PTPRU: variants seen among roughly 807,000 people sequenced by gnomAD.
The protein encoded by PTPRU is receptor-type tyrosine-protein phosphatase U.
PTPRU carries 69 observed loss-of-function variants against 166.3 expected under a neutral mutation model. The observed-to-expected ratio is 0.41, with a 90% CI of 0.34 to 0.51. The LOEUF (loss-of-function observed/expected upper bound fraction) is 0.51. Among genes scored for constraint, PTPRU ranks in the 20% least tolerant of loss-of-function variants. The pLI, the probability that PTPRU is intolerant of heterozygous loss-of-function variation, is 0.09. For missense variants in PTPRU, 1,657 were observed against 2,013.7 expected (o/e 0.82, Z 3.39); for synonymous variants, 793 against 814.0 (o/e 0.97, Z 0.44).
rs965441644 is a variant in PTPRU at position 29,316,059 on chromosome 1, A to G, written c.3421A>G (p.Thr1141Ala). The change falls in exon 24 of 30, where the codon ACC becomes GCC. Residue 1141 changes from threonine (T) to alanine (A), a missense_variant. By Grantham distance (58) the Thr-to-Ala change is moderately conservative (BLOSUM62 0). Coordinates refer to ENST00000373779, the MANE Select transcript of PTPRU (RefSeq NM_133178.4). ...ILEACLCGET[T>A]IPVSEFKATY... ...GGAGGCCTGCCTGTGTGGGGAGACC[A>G]CCATCCCTGTCAGTGAGTTCAAGGC... The G allele has an allele frequency of 1.9e-6, 3 of 1,613,926 alleles. No individual in the cohort carries two copies. The highest frequency in any genetic ancestry group is 3.3e-5 in the Admixed American group (2 of 59,998).
intron 15 of PTPRU, among the ~76,000 whole-genome samples, chr1:29,300,711 T>C (rs535442685): frequency 7.9e-5 from 12 of 152,312 alleles, no homozygotes; most frequent in African/African-American, 2.4e-4. Context: ...CATTGAACTA[T>C]AGGCAGCTGA....
chr1:29,256,770 T>C (rs1448563864), intron 2 of PTPRU, among the ~76,000 whole-genome samples: 1 of 152,222 alleles, frequency 6.6e-6, no homozygotes, highest in Non-Finnish European at 1.5e-5. Context: ...CTCAGTCTGA[T>C]ACATGGTTGG....
intron 1 of PTPRU, among the ~76,000 whole-genome samples, chr1:29,253,657 A>C (rs2151942899): frequency 6.6e-6 from 1 of 152,064 alleles, no homozygotes; most frequent in Admixed American, 6.5e-5. Context: ...TGCACTAACC[A>C]AATATATGTA....
intron 14 of PTPRU, among the ~76,000 whole-genome samples, chr1:29,289,881 T>C (rs1686543506): frequency 6.6e-6 from 1 of 152,090 alleles, no homozygotes; most frequent in Non-Finnish European, 1.5e-5. Flanking sequence ...GCTCTGTCCT[T>C]CCCCTCTGCA....
At position 29,259,768 on chromosome 1, in the gene PTPRU, C is replaced by A. The variant is rs1684955933; in HGVS notation, c.676-102C>A. The stretch of plus-strand genomic sequence containing the variant: ...AGAGCGCGGCTCCAGGAACCTATGT[C>A]CGCGCGGTGTAGTAGGGACGGCTAA... On this transcript the variant is annotated intron_variant, in intron 5 of 29. Transcript: ENST00000373779. 16 of 1,363,146 alleles carry A rather than the reference C, an allele frequency of 1.2e-5. No homozygotes were observed. The South Asian group carries it at 2.4e-4, about 20-fold the overall frequency. The allele number at this position is 1,363,146 out of a possible 1,614,324, so 84.4% of individuals were successfully genotyped here.
chr1:29,286,390 T>C (rs1315089363), intron 14 of PTPRU, among the ~76,000 whole-genome samples: 3 of 152,150 alleles, frequency 2.0e-5, no homozygotes, highest in African/African-American at 7.2e-5. Flanking sequence ...AACATTTCCT[T>C]CTTGGATCTT....
At chr1:29,287,440 T>A (rs539505532) in intron 14 of PTPRU, among the ~76,000 whole-genome samples, 4 of 152,124 alleles carry the variant, frequency 2.6e-5, no homozygotes, top group African/African-American at 7.2e-5. Context: ...CCCTGTCTTG[T>A]CTATATCTCC....
rs1374490107 is a variant in PTPRU, at chr1:29,311,005, GA to G, written c.2857+226del. ...CCCCTCTTTGTGTTTGTGTCTCCCT[GA>G]TGTGCTCAGTCCATCTGTTGCTCCT... On this transcript the variant is annotated intron_variant, in intron 19 of 29. Transcript: ENST00000373779. The surrounding 1 kb of genome is among the most constrained non-coding windows in gnomAD (Gnocchi z 4.1). Among the ~76,000 whole-genome samples the G allele has an allele frequency of 6.6e-6, 1 of 152,132 alleles. No individual in the cohort carries two copies. The highest frequency in any genetic ancestry group is 2.4e-5 in the African/African-American group (1 of 41,424).
At position 29,291,312 on chromosome 1, in the gene PTPRU, C is replaced by T. The variant is rs1432166466; in HGVS notation, c.2319-557C>T. On this transcript the variant is annotated intron_variant, in intron 14 of 29. Coordinates refer to ENST00000373779, the MANE Select transcript of PTPRU (RefSeq NM_133178.4). This position sits in a 1 kb window ranked among gnomAD's most constrained non-coding sequence, Gnocchi z 4.1. ...AGCCAAGGGTGGAGTTCATTCTGTG[C>T]GTGGGGGAAGCCCCCGAGCTCTGGC... 5.3e-5 allele frequency among the ~76,000 whole-genome samples: 8 copies of T among 151,958 alleles called. No individual in the cohort carries two copies. The highest frequency in any genetic ancestry group is 1.0e-4 in the Non-Finnish European group (7 of 68,016).
rs1285923055 is a variant in PTPRU at position 29,259,906 on chromosome 1, C to T, written c.712C>T (p.Arg238Trp). 3 of 1,531,608 alleles carry T rather than the reference C, an allele frequency of 2.0e-6. No homozygotes were observed. The highest frequency in any genetic ancestry group is 2.6e-6 in the Non-Finnish European group (3 of 1,145,502). The allele number at this position is 1,531,608 out of a possible 1,614,324, so 94.9% of individuals were successfully genotyped here. ...SGALVPAAGV[R>W]HISHRRFLAT... is the part of the protein sequence containing the mutation. ...GGCGCTGGTGCCGGCGGCGGGCGTG[C>T]GGCACATCAGCCACCGGCGCTTCCT... The change falls in exon 6 of 30, where the codon CGG becomes TGG. Residue 238 changes from arginine (R) to tryptophan (W), a missense_variant. Around this residue, in one of 3 missense-constraint regions of PTPRU, gnomAD observed 453 missense variants for 496.9 expected, o/e 0.91. Coordinates refer to ENST00000373779, the MANE Select transcript of PTPRU (RefSeq NM_133178.4).
At chr1:29,301,892 G>GTCCC (rs1339701300) in intron 15 of PTPRU, among the ~76,000 whole-genome samples, 6 of 152,164 alleles carry the variant, frequency 3.9e-5, no homozygotes, top group Non-Finnish European at 8.8e-5. Flanking sequence ...CTTCATCCAT[G>GTCCC]TCCCTACAAA....
At position 29,317,958 on chromosome 1, in the gene PTPRU, C is replaced by G; in HGVS notation, c.3687+37C>G. On this transcript the variant is annotated intron_variant, in intron 25 of 29. Transcript: ENST00000373779. This position sits in a 1 kb window ranked among gnomAD's most constrained non-coding sequence, Gnocchi z 5.6. Reference sequence around the variant, plus strand: ...GGGTGGAGTGGGCTCTGGGGCTCCCCTTCCCAGCAGCATCAGGGAAGGTCC... The same window carrying G: ...GGGTGGAGTGGGCTCTGGGGCTCCCGTTCCCAGCAGCATCAGGGAAGGTCC... 1 of 1,607,366 alleles carries G rather than the reference C, an allele frequency of 6.2e-7. No homozygotes were observed. The highest frequency in any genetic ancestry group is 8.5e-7 in the Non-Finnish European group (1 of 1,176,434).
In PTPRU at chr1:29,317,944, G is replaced by A; in HGVS notation, c.3687+23G>A. Reference sequence around the variant, plus strand: ...GACGTGAGAGCTTGGGGTGGAGTGGGCTCTGGGGCTCCCCTTCCCAGCAGC... The same window carrying A: ...GACGTGAGAGCTTGGGGTGGAGTGGACTCTGGGGCTCCCCTTCCCAGCAGC... On this transcript the variant is annotated intron_variant, in intron 25 of 29. Coordinates refer to ENST00000373779, the MANE Select transcript of PTPRU (RefSeq NM_133178.4). The surrounding 1 kb of genome is among the most constrained non-coding windows in gnomAD (Gnocchi z 5.6). 6.2e-7 allele frequency: 1 copy of A among 1,611,494 alleles called. No individual in the cohort carries two copies.
intron 7 of PTPRU, among the ~76,000 whole-genome samples, chr1:29,269,113 C>T (rs1685424268): frequency 6.6e-6 from 1 of 150,944 alleles, no homozygotes; most frequent in Non-Finnish European, 1.5e-5. Flanking sequence ...GATCATAGCT[C>T]ACTGCGTGCA....
At position 29,259,385 on chromosome 1, in the gene PTPRU, G is replaced by C. The variant is rs1190625633; in HGVS notation, c.559+43G>C. On this transcript the variant is annotated intron_variant, in intron 4 of 29. Coordinates refer to ENST00000373779, the MANE Select transcript of PTPRU (RefSeq NM_133178.4). ...GGGGGCGCAGGGGTAAGGGGTGTGG[G>C]CGGCCGCGGCTCCTGCCTGCAGGGG... 3.1e-6 allele frequency: 5 copies of C among 1,610,140 alleles called. No homozygotes were observed. In the East Asian group the frequency reaches 1.1e-4, roughly 36 times the overall value.
intron 24 of PTPRU, among the ~76,000 whole-genome samples, chr1:29,316,359 G>T (rs1409373916): frequency 1.3e-5 from 2 of 152,234 alleles, no homozygotes; most frequent in South Asian, 2.1e-4. Flanking sequence ...AGGCTTTGAA[G>T]TCAGATAAAC....
chr1:29,240,629 T>C (rs1335680976), intron 1 of PTPRU, among the ~76,000 whole-genome samples: 1 of 152,052 alleles, frequency 6.6e-6, no homozygotes, highest in Non-Finnish European at 1.5e-5. Context: ...GGCAAGAGAC[T>C]GAAGGGAACG....
At chr1:29,297,310 C>T (rs1686935840) in intron 15 of PTPRU, among the ~76,000 whole-genome samples, 1 of 152,050 alleles carries the variant, frequency 6.6e-6, no homozygotes, top group South Asian at 2.1e-4. Context: ...CCGTCTTGGC[C>T]TCCCAAAGTG....
intron 24 of PTPRU, 141 bp downstream of exon 24, chr1:29,316,292 A>G (rs1264643338): frequency 9.6e-7 from 1 of 1,039,422 alleles, no homozygotes; most frequent in Non-Finnish European, 1.4e-6. Flanking sequence ...GAGCTGAGCT[A>G]CCAGGAAGGA....
Sources: allele counts gnomAD v4.1 joint callset (sites outside exome capture counted in the v4.1 genomes callset), GRCh38; gene constraint gnomAD v4.1.1; regional missense constraint gnomAD v4.1.1; non-coding constraint Gnocchi (gnomAD v3.1); transcripts MANE v1.5; gene names NCBI Gene and HGNC (gene_info 2026-07-23, HGNC 2026-07-21).